CTBP2: variants seen among roughly 807,000 people sequenced by gnomAD.
CTBP2 encodes the protein C-terminal-binding protein 2.
In CTBP2, 30 loss-of-function variants were observed where a neutral mutation model predicts 80.3. That is an observed-to-expected ratio of 0.37 (90% CI 0.28 to 0.51). CTBP2 has a LOEUF of 0.51. CTBP2 is among the 20% of genes least tolerant of loss of function. The pLI, the probability that CTBP2 is intolerant of heterozygous loss-of-function variation, is 0.93. For missense variants in CTBP2, 1,212 were observed against 1,375.3 expected, an observed-to-expected ratio of 0.88 and a Z score of 1.88; for synonymous variants, 594 against 587.4, an observed-to-expected ratio of 1.01 and a Z score of -0.16.
At chr10:125,012,242 G>C (rs989251246) in intron 1 of CTBP2, among the ~76,000 whole-genome samples, 1 of 152,224 alleles carries the variant, frequency 6.6e-6, no homozygotes, top group Admixed American at 6.5e-5. Context: ...CAGGATGTGG[G>C]GGATAGAAGC....
intron 1 of CTBP2, among the ~76,000 whole-genome samples, chr10:125,113,998 A>G (rs1195259230): frequency 2.6e-5 from 4 of 152,260 alleles, no homozygotes; most frequent in Non-Finnish European, 4.4e-5. Flanking sequence ...CTGGAGCTAC[A>G]GAAAAGCTAA....
chr10:124,988,531 C>T lies in CTBP2; in HGVS notation c.*987G>A, dbSNP rs1425385390. On this transcript the variant is annotated 3_prime_UTR_variant, in exon 9 of 9. Transcript: ENST00000309035. ...TACCTATACAAAGGCTCAAAATAGGCCATCTTTTTAAACAAAAAGGCAATG... is the reference window on the plus strand; with the variant it reads ...TACCTATACAAAGGCTCAAAATAGGTCATCTTTTTAAACAAAAAGGCAATG... 1 of 152,540 alleles carries T rather than the reference C, an allele frequency of 6.6e-6. No homozygotes were observed. Among genetic ancestry groups the T allele is most frequent in the Non-Finnish European group, 1.5e-5 (1 of 68,016 alleles). 9.4% of individuals were successfully genotyped at this position (152,540 alleles called of 1,614,324 possible). A position where few individuals can be genotyped will look rare whatever the true frequency, so the allele number is the denominator to read the frequency against.
intron 1 of CTBP2, among the ~76,000 whole-genome samples, chr10:125,157,823 G>C (rs1237920063): frequency 6.6e-6 from 1 of 152,228 alleles, no homozygotes; most frequent in Non-Finnish European, 1.5e-5. Flanking sequence ...TATTTTGCAA[G>C]AAAGAGGGCC....
In CTBP2 at chr10:125,027,927, G is replaced by A. The variant is rs1168188997; in HGVS notation, c.-168C>T. On this transcript the variant is annotated 5_prime_UTR_variant, in exon 1 of 9. Transcript: ENST00000309035. The stretch of plus-strand genomic sequence containing the variant: ...GCATGGCCTGAATTATTAATCCTCC[G>A]AAACCTTAGCAGACAAAACATAAGA... The A allele has an allele frequency of 3.0e-5, 42 of 1,421,474 alleles. No homozygotes were observed. Among genetic ancestry groups the A allele is most frequent in the South Asian group, 7.8e-5 (5 of 64,222 alleles). The allele number at this position is 1,421,474 out of a possible 1,614,324, so 88.1% of individuals were successfully genotyped here. A position where few individuals can be genotyped will look rare whatever the true frequency, so the allele number is the denominator to read the frequency against.
chr10:125,094,821 A>G (rs1298885117), intron 2 of CTBP2, among the ~76,000 whole-genome samples: 1 of 152,200 alleles, frequency 6.6e-6, no homozygotes, highest in Non-Finnish European at 1.5e-5. Flanking sequence ...TGAAGTTCCA[A>G]ACTAGAAATG....
At chr10:125,016,685 G>C (rs953397938) in intron 1 of CTBP2, among the ~76,000 whole-genome samples, 1 of 152,252 alleles carries the variant, frequency 6.6e-6, no homozygotes, top group African/African-American at 2.4e-5. Context: ...CAAGGGCCAA[G>C]AGCGCTGCGC....
intron 1 of CTBP2, among the ~76,000 whole-genome samples, chr10:125,006,222 C>G (rs1311324182): frequency 6.6e-6 from 1 of 151,652 alleles, no homozygotes; most frequent in Non-Finnish European, 1.5e-5. Flanking sequence ...ATCCTGGCAG[C>G]AGGTCCTTCA....
At chr10:125,114,908 C>T (rs191057057) in intron 1 of CTBP2, among the ~76,000 whole-genome samples, 123 of 152,114 alleles carry the variant, frequency 8.1e-4, no homozygotes, top group African/African-American at 2.6e-3. Flanking sequence ...CGCTTACCTA[C>T]GCTTTCTCTG....
rs558039106 is a variant in CTBP2 at position 125,027,981 on chromosome 10, C to T, written c.-222G>A. On this transcript the variant is annotated 5_prime_UTR_variant, in exon 1 of 9. Coordinates refer to ENST00000309035, the MANE Select transcript of CTBP2 (RefSeq NM_022802.3). ...ACGGTAACTTTGCCTCACTCCCCAACGATAGCCAGAGAGGTCTGTTCCTTA... is the reference window on the plus strand; with the variant it reads ...ACGGTAACTTTGCCTCACTCCCCAATGATAGCCAGAGAGGTCTGTTCCTTA... 3.7e-5 allele frequency: 48 copies of T among 1,311,376 alleles called. 3 individuals are homozygous for T. Among genetic ancestry groups the T allele is most frequent in the African/African-American group, 3.3e-4 (22 of 67,378 alleles). The allele number at this position is 1,311,376 out of a possible 1,614,324, so 81.2% of individuals were successfully genotyped here.
intron 3 of CTBP2, among the ~76,000 whole-genome samples, chr10:125,034,642 G>A (rs1958650868): frequency 6.6e-6 from 1 of 152,018 alleles, no homozygotes; most frequent in South Asian, 2.1e-4. Flanking sequence ...ACTACCTATA[G>A]GCAGGCTTCA....
chr10:125,089,151 A>T (rs1269846852), intron 2 of CTBP2, among the ~76,000 whole-genome samples: 1 of 152,170 alleles, frequency 6.6e-6, no homozygotes, highest in East Asian at 1.9e-4. Context: ...TCAGAGCCGT[A>T]TGACATGCTG....
intron 2 of CTBP2, among the ~76,000 whole-genome samples, chr10:125,058,104 C>A (rs778553382): frequency 2.0e-5 from 3 of 151,988 alleles, no homozygotes; most frequent in Non-Finnish European, 2.9e-5. Context: ...TGAACTGTTA[C>A]AGAGTTTTAC....
intron 2 of CTBP2, among the ~76,000 whole-genome samples, chr10:125,085,820 C>T (rs1220908050): frequency 6.6e-6 from 1 of 152,248 alleles, no homozygotes; most frequent in Non-Finnish European, 1.5e-5. Context: ...TCCAGAGACA[C>T]CCAGGAGGAT....
chr10:125,071,499 G>GAACAAGGCGAA (rs1415230678), intron 2 of CTBP2, among the ~76,000 whole-genome samples: 2 of 152,212 alleles, frequency 1.3e-5, no homozygotes, highest in African/African-American at 2.4e-5. Flanking sequence ...CCAACTGCTG[G>GAACAAGGCGAA]AACAAGGCGA....
chr10:125,111,972 C>A (rs140115536), intron 1 of CTBP2, among the ~76,000 whole-genome samples: 1 of 151,960 alleles, frequency 6.6e-6, no homozygotes, highest in Non-Finnish European at 1.5e-5. Context: ...TCGAGCCCCA[C>A]GAGAGAGGGA....
At chr10:125,108,918 C>A (rs1476849988) in intron 2 of CTBP2, among the ~76,000 whole-genome samples, 5 of 152,256 alleles carry the variant, frequency 3.3e-5, no homozygotes, top group Non-Finnish European at 7.3e-5. Context: ...ATGGTGGGAA[C>A]CCCACATAAG....
rs796931776 is a variant in CTBP2, at chr10:124,998,118, A to G, written c.2031T>C (p.Ser677=). 1 of 1,612,280 alleles carries G rather than the reference A, an allele frequency of 6.2e-7. No homozygotes were observed. The highest frequency in any genetic ancestry group is 1.1e-5 in the South Asian group (1 of 90,730). ...ACAGGTTGAGGATGTGGCAGATGGTAGAGTCCGCTGTCTCTTCCACGGCTG... is the reference window on the plus strand; with the variant it reads ...ACAGGTTGAGGATGTGGCAGATGGTGGAGTCCGCTGTCTCTTCCACGGCTG... The change falls in exon 4 of 9, where the codon TCT becomes TCC. Residue 677 remains serine (S), a synonymous_variant. Coordinates refer to ENST00000309035, the MANE Select transcript of CTBP2 (RefSeq NM_022802.3).
intron 1 of CTBP2, among the ~76,000 whole-genome samples, chr10:125,140,542 G>A (rs1393110377): frequency 1.3e-5 from 2 of 152,210 alleles, no homozygotes; most frequent in Non-Finnish European, 2.9e-5. Context: ...AATATCAAGG[G>A]CCGGGTGCAG....
upstream of CTBP2, chr10:125,028,080 C>CA (rs1349918943): frequency 1.2e-5 from 4 of 325,590 alleles, no homozygotes; most frequent in African/African-American, 8.5e-5. Flanking sequence ...TCACATGGAC[C>CA]AGGGCTCTCT....
Sources: allele counts gnomAD v4.1 joint callset (sites outside exome capture counted in the v4.1 genomes callset), GRCh38; gene constraint gnomAD v4.1.1; transcripts MANE v1.5; gene names NCBI Gene and HGNC (gene_info 2026-07-23, HGNC 2026-07-21).